SLC47A2: variants seen among roughly 807,000 people sequenced by gnomAD.
The protein encoded by SLC47A2 is solute carrier family 47 member 2, also known as multidrug and toxin extrusion protein 2.
Under a neutral mutation model 67.7 loss-of-function variants are expected in SLC47A2, and 52 were observed. The ratio of observed to expected loss-of-function variants is 0.77; its 90% confidence interval spans 0.61 to 0.97. The LOEUF is 0.97. Among genes scored for constraint, SLC47A2 ranks in the 50% least tolerant of loss-of-function variants. The pLI, the probability that SLC47A2 is intolerant of heterozygous loss-of-function variation, is 0.00. For missense variants in SLC47A2, 676 were observed against 712.3 expected (o/e 0.95, Z 0.58); for synonymous variants, 278 against 292.9 (o/e 0.95, Z 0.52).
At chr17:19,701,758 A>C (rs775858994) in intron 13 of SLC47A2, among the ~76,000 whole-genome samples, 1 of 152,092 alleles carries the variant, frequency 6.6e-6, no homozygotes, top group African/African-American at 2.4e-5. Context: ...ATATGGGAGG[A>C]TCACTTGAGC....
chr17:19,692,781 A>G (rs939257576), intron 13 of SLC47A2, among the ~76,000 whole-genome samples: 1 of 152,252 alleles, frequency 6.6e-6, no homozygotes, highest in East Asian at 1.9e-4. Context: ...AATTTTTAAC[A>G]AAATATTAGC....
Position 19,716,572 on chromosome 17 carries a change from G to T in SLC47A2, c.-17C>A. 6.3e-7 allele frequency: 1 copy of T among 1,589,786 alleles called. No individual in the cohort carries two copies. The highest frequency in any genetic ancestry group is 1.2e-5 in the South Asian group (1 of 86,726). On this transcript the variant is annotated 5_prime_UTR_variant, in exon 1 of 17. Transcript: ENST00000433844. ...GCTGTCCATTCCTGGCCGGGGCACT[G>T]GCTACCCTGCACGCCTGAGCGCCTG...
chr17:19,716,612 T>G, upstream of SLC47A2: 3 of 1,507,226 alleles, frequency 2.0e-6, no homozygotes, highest in South Asian at 4.0e-5. Context: ...GCCAGCTTTG[T>G]CCAGCGAGCC....
At chr17:19,708,797 T>C in intron 5 of SLC47A2, 37 bp from the exon 6 acceptor site, 1 of 1,611,092 alleles carries the variant, frequency 6.2e-7, no homozygotes. Flanking sequence ...TCAACAATAA[T>C]GACCAAAACT....
chr17:19,714,081 G>T, intron 3 of SLC47A2, 108 bp from the exon 4 acceptor site: 1 of 1,432,020 alleles, frequency 7.0e-7, no homozygotes, highest in Non-Finnish European at 9.2e-7. Context: ...GGCGGACCCG[G>T]CGGCCTCTGG....
intron 9 of SLC47A2, 40 bp downstream of exon 9, chr17:19,706,608 C>A: frequency 6.7e-7 from 1 of 1,497,742 alleles, no homozygotes; most frequent in Non-Finnish European, 9.0e-7. Context: ...CTGGGTGAGC[C>A]GCCCACACGC....
intron 16 of SLC47A2, among the ~76,000 whole-genome samples, chr17:19,679,366 CG>C (rs2085262482): frequency 1.3e-5 from 2 of 152,194 alleles, no homozygotes; most frequent in African/African-American, 4.8e-5. Context: ...TGTGCACACA[CG>C]CCTGGCACTC....
intron 9 of SLC47A2, among the ~76,000 whole-genome samples, chr17:19,706,019 G>A (rs1191023965): frequency 1.3e-5 from 2 of 152,200 alleles, no homozygotes; most frequent in Non-Finnish European, 2.9e-5. Flanking sequence ...TGTGTGGTCT[G>A]TCTTTCCAGA....
intron 2 of SLC47A2, 117 bp from the exon 3 acceptor site, chr17:19,714,906 GC>G: frequency 7.0e-7 from 1 of 1,430,806 alleles, no homozygotes; most frequent in Non-Finnish European, 9.8e-7. Context: ...GGTGGCAGAG[GC>G]TCTGCTCAGC....
At chr17:19,714,823 T>A (rs776393926) in intron 2 of SLC47A2, 34 bp from the exon 3 acceptor site, 3 of 1,613,564 alleles carry the variant, frequency 1.9e-6, no homozygotes, top group East Asian at 2.2e-5. Context: ...CAAGAGCTTG[T>A]CAGGTGAGGC....
rs978760737 is a variant in SLC47A2 at position 19,685,777 on chromosome 17, A to C, written c.1165-4107T>G. Among the ~76,000 whole-genome samples, 1 of 152,206 alleles carries C rather than the reference A, an allele frequency of 6.6e-6. No homozygotes were observed. The highest frequency in any genetic ancestry group is 1.5e-5 in the Non-Finnish European group (1 of 68,044). ...ACCCTGCCACATCCCCCTCTCTGAG[A>C]AACACCCAAAAATGATCAATAAATA... is the stretch of plus-strand genomic sequence containing the variant. On this transcript the variant is annotated intron_variant, in intron 13 of 16. Transcript: ENST00000433844. The surrounding 1 kb of genome is among the most constrained non-coding windows in gnomAD (Gnocchi z 4.5).
rs578243992 is a variant in SLC47A2 at position 19,679,160 on chromosome 17, G to A, written c.1481-254C>T. On this transcript the variant is annotated intron_variant, in intron 16 of 16. Coordinates refer to ENST00000433844, the MANE Select transcript of SLC47A2 (RefSeq NM_001099646.3). ...TTACTACTAGGATCTCATGAGGAGT[G>A]TTCTTGTCAACGCTTGGCCCTGTGA... Among the ~76,000 whole-genome samples, 15 of 152,344 alleles carry A rather than the reference G, an allele frequency of 9.8e-5. No individual in the cohort carries two copies. The South Asian group carries it at 3.1e-3, about 32-fold the overall frequency.
At chr17:19,684,581 C>T (rs913790539) in intron 13 of SLC47A2, among the ~76,000 whole-genome samples, 1 of 151,684 alleles carries the variant, frequency 6.6e-6, no homozygotes, top group Non-Finnish European at 1.5e-5. Context: ...TTAGTGTGGG[C>T]CAGGCATGGT....
chr17:19,715,229 C>T lies in SLC47A2; in HGVS notation c.124-12G>A, dbSNP rs201158769. On this transcript the variant is annotated splice_polypyrimidine_tract_variant and intron_variant, in intron 1 of 16. Transcript: ENST00000433844. ...ACCTGGAACAGGAACTGGAGGACAG[C>T]GGCCAGGTCAGACTCGGGGCCACAG... 46 of 1,605,778 alleles carry T rather than the reference C, an allele frequency of 2.9e-5. No individual in the cohort carries two copies. Among genetic ancestry groups the T allele is most frequent in the East Asian group, 4.5e-5 (2 of 44,880 alleles).
intron 10 of SLC47A2, chr17:19,704,721 G>C: frequency 6.5e-7 from 1 of 1,547,138 alleles, no homozygotes; most frequent in South Asian, 1.2e-5. Flanking sequence ...GGAGGTGGGG[G>C]CTGTGGTGGA....
At chr17:19,681,273 T>G in intron 15 of SLC47A2, 94 bp downstream of exon 15, 1 of 1,014,006 alleles carries the variant, frequency 9.9e-7, no homozygotes, top group South Asian at 1.7e-5. Context: ...TGCCAAGTTC[T>G]GATGTGCTCT....
intron 13 of SLC47A2, among the ~76,000 whole-genome samples, chr17:19,697,469 A>G (rs539224115): frequency 3.9e-5 from 6 of 152,340 alleles, no homozygotes; most frequent in African/African-American, 9.6e-5. Context: ...AAAAAGTTCT[A>G]TCTCTCAACA....
upstream of SLC47A2, chr17:19,716,605 A>C (rs2086276145): frequency 1.3e-6 from 2 of 1,513,568 alleles, no homozygotes; most frequent in Admixed American, 2.2e-5. Context: ...CTGCACGGCC[A>C]GCTTTGTCCA....
At chr17:19,706,606 G>A (rs1462742549) in intron 9 of SLC47A2, 42 bp downstream of exon 9, 15 of 1,492,168 alleles carry the variant, frequency 1.0e-5, no homozygotes, top group Non-Finnish European at 1.3e-5. Context: ...GGCTGGGTGA[G>A]CCGCCCACAC....
Sources: allele counts gnomAD v4.1 joint callset (sites outside exome capture counted in the v4.1 genomes callset), GRCh38; gene constraint gnomAD v4.1.1; non-coding constraint Gnocchi (gnomAD v3.1); transcripts MANE v1.5; gene names NCBI Gene and HGNC (gene_info 2026-07-23, HGNC 2026-07-21).